PSME4: variants seen among roughly 807,000 people sequenced by gnomAD.
PSME4 encodes the protein proteasome activator subunit 4, also known as proteasome activator complex subunit 4.
In PSME4, 89 loss-of-function variants were observed where a neutral mutation model predicts 253.9. The observed-to-expected ratio is 0.35, with a 90% CI of 0.30 to 0.42. PSME4 has a LOEUF of 0.42. Among genes scored for constraint, PSME4 ranks in the 10% least tolerant of loss-of-function variants. PSME4 has a pLI of 1.00. For synonymous variants in PSME4, 851 were observed against 759.2 expected (o/e 1.12, Z -1.99); for missense variants, 2,014 against 2,195.2 (o/e 0.92, Z 1.65).
chr2:53,907,686 A>G (rs902940199), intron 24 of PSME4, among the ~76,000 whole-genome samples: 27 of 152,208 alleles, frequency 1.8e-4, no homozygotes, highest in Admixed American at 1.6e-3. Context: ...AAAACAAAGT[A>G]TAAGCAACCT....
chr2:53,885,675 T>C lies in PSME4; in HGVS notation c.4815+15A>G. On this transcript the variant is annotated intron_variant, in intron 41 of 46. Transcript: ENST00000404125. ...GTCAAAAGGAGATGCATTCTTAATT[T>C]CAGCAAAACCTTACCTTGAAAAACA... The C allele has an allele frequency of 6.3e-7, 1 of 1,586,492 alleles. No individual in the cohort carries two copies. The highest frequency in any genetic ancestry group is 1.1e-5 in the South Asian group (1 of 90,168).
intron 1 of PSME4, among the ~76,000 whole-genome samples, chr2:53,964,372 C>T (rs1288480036): frequency 6.6e-6 from 1 of 152,146 alleles, no homozygotes; most frequent in African/African-American, 2.4e-5. Context: ...TCTTATTGTG[C>T]TATTACATTA....
At chr2:53,955,083 A>C (rs1450576353) in intron 1 of PSME4, among the ~76,000 whole-genome samples, 2 of 152,028 alleles carry the variant, frequency 1.3e-5, no homozygotes, top group African/African-American at 4.8e-5. Flanking sequence ...AAACACGAGG[A>C]GCATCTGAGT....
intron 1 of PSME4, among the ~76,000 whole-genome samples, chr2:53,964,210 A>G (rs1159457845): frequency 6.6e-6 from 1 of 152,190 alleles, no homozygotes; most frequent in Non-Finnish European, 1.5e-5. Context: ...TTGAAAAAAA[A>G]GTATATGTGT....
At position 53,921,881 on chromosome 2, in the gene PSME4, C is replaced by T. The variant is rs544862441; in HGVS notation, c.2046+636G>A. Reference sequence around the variant, plus strand: ...AGACTCCGTCTCAAAAAAAAGAAAACTGAAGTTTGGGCCAGGCGCGGTGGC... The same window carrying T: ...AGACTCCGTCTCAAAAAAAAGAAAATTGAAGTTTGGGCCAGGCGCGGTGGC... On this transcript the variant is annotated intron_variant, in intron 17 of 46. Transcript: ENST00000404125. Among the ~76,000 whole-genome samples, 223 of 117,536 alleles carry T rather than the reference C, an allele frequency of 1.9e-3. 2 individuals are homozygous for T. The highest frequency in any genetic ancestry group is 6.2e-3 in the African/African-American group (205 of 32,846). The allele number at this position is 117,536 out of a possible 152,430, so 77.1% of individuals were successfully genotyped here.
Position 53,921,025 on chromosome 2 carries a change from G to A in PSME4, c.2126C>T (p.Thr709Ile). 6.2e-7 allele frequency: 1 copy of A among 1,614,106 alleles called. No homozygotes were observed. Among genetic ancestry groups the A allele is most frequent in the Non-Finnish European group, 8.5e-7 (1 of 1,179,996 alleles). ...VKILQRTLHL[T>I]CKQGYTLSCN... Reference sequence around the variant, plus strand: ...AGACAGAGTGTAACCCTGCTTACAGGTTAAATGTAGGGTTCTTTGGAGAAT... The same window carrying A: ...AGACAGAGTGTAACCCTGCTTACAGATTAAATGTAGGGTTCTTTGGAGAAT... The change falls in exon 18 of 47, where the codon ACC (threonine) becomes ATC (isoleucine). Residue 709 changes from threonine (T) to isoleucine (I), a missense_variant. Physicochemically the swap from Thr to Ile is moderately conservative, Grantham distance 89. This residue lies in a region of PSME4 where 989 missense variants were observed against 1,021.1 expected (regional missense o/e 0.97). Transcript: ENST00000404125.
rs769597917 is a variant in PSME4, at chr2:53,949,298, T to C, written c.243-15A>G. The C allele has an allele frequency of 1.5e-5, 22 of 1,514,030 alleles. 1 individual carries two copies. The African/African-American group carries it at 1.5e-4, about 10-fold the overall frequency. 93.8% of individuals were successfully genotyped at this position (1,514,030 alleles called of 1,614,324 possible). On this transcript the variant is annotated splice_polypyrimidine_tract_variant and intron_variant, in intron 1 of 46. Transcript: ENST00000404125. The stretch of plus-strand genomic sequence containing the variant: ...GTCGAATATATCTGCAAGAGAAAAA[T>C]AGATATACCCTTTAAAAATAGGTAT...
At chr2:53,960,381 A>G (rs1422767475) in intron 1 of PSME4, among the ~76,000 whole-genome samples, 1 of 149,630 alleles carries the variant, frequency 6.7e-6, no homozygotes, top group East Asian at 2.0e-4. Flanking sequence ...CCTGGGCAAC[A>G]GAGCGAGACT....
At chr2:53,914,810 G>T (rs1203647072) in intron 20 of PSME4, among the ~76,000 whole-genome samples, 1 of 152,162 alleles carries the variant, frequency 6.6e-6, no homozygotes, top group Non-Finnish European at 1.5e-5. Context: ...GAACCTGGGA[G>T]GCAGAGGTTG....
At chr2:53,887,560 C>G in intron 39 of PSME4, 93 bp from the exon 40 acceptor site, 4 of 1,168,300 alleles carry the variant, frequency 3.4e-6, no homozygotes, top group Non-Finnish European at 4.8e-6. Context: ...GTAAACTGTC[C>G]CAAGACAATT....
chr2:53,897,433 T>A (rs1248790590), intron 31 of PSME4, among the ~76,000 whole-genome samples: 2 of 152,092 alleles, frequency 1.3e-5, no homozygotes, highest in Non-Finnish European at 2.9e-5. Flanking sequence ...CCTCCCAAAG[T>A]GCTGGGATTA....
intron 44 of PSME4, among the ~76,000 whole-genome samples, chr2:53,868,845 A>G (rs1450336851): frequency 6.6e-6 from 1 of 151,694 alleles, no homozygotes; most frequent in Non-Finnish European, 1.5e-5. Context: ...TCACATTTAC[A>G]TTTCTTTTTA....
At position 53,920,882 on chromosome 2, in the gene PSME4, T is replaced by C. The variant is rs763719442; in HGVS notation, c.2262+7A>G. The C allele has an allele frequency of 1.9e-6, 3 of 1,577,560 alleles. No homozygotes were observed. In the South Asian group the frequency reaches 3.3e-5, roughly 18 times the overall value. On this transcript the variant is annotated splice_region_variant and intron_variant, in intron 18 of 46. Coordinates refer to ENST00000404125, the MANE Select transcript of PSME4 (RefSeq NM_014614.3). ...TTCTTGAATCCTAAAGTACTGAAAA[T>C]GCTTGCCTTGATAGGAAAGTATTCA...
chr2:53,907,415 T>C (rs1680710610), intron 24 of PSME4, among the ~76,000 whole-genome samples: 1 of 152,180 alleles, frequency 6.6e-6, no homozygotes, highest in Non-Finnish European at 1.5e-5. Flanking sequence ...CCCCCAATTC[T>C]ACCATTTTCA....
chr2:53,928,204 T>A lies in PSME4; in HGVS notation c.1416A>T (p.Arg472Ser). ...GVARSLVSGG[R>S]WFPEGPTHML... ...TATGTGTAGGACCTTCAGGAAACCATCTGCCTCCTGATACCAAACTGCGGG... is the reference window on the plus strand; with the variant it reads ...TATGTGTAGGACCTTCAGGAAACCAACTGCCTCCTGATACCAAACTGCGGG... Residue 472 changes from arginine (R) to serine (S), a missense_variant, in exon 11 of 47, where the codon AGA becomes AGT. Coordinates refer to ENST00000404125, the MANE Select transcript of PSME4 (RefSeq NM_014614.3). 6.2e-7 allele frequency: 1 copy of A among 1,614,110 alleles called. No individual in the cohort carries two copies. Among genetic ancestry groups the A allele is most frequent in the Non-Finnish European group, 8.5e-7 (1 of 1,179,970 alleles).
chr2:53,949,214 C>A lies in PSME4; in HGVS notation c.312G>T (p.Glu104Asp). 1 of 1,612,054 alleles carries A rather than the reference C, an allele frequency of 6.2e-7. No individual in the cohort carries two copies. Among genetic ancestry groups the A allele is most frequent in the Middle Eastern group, 1.7e-4 (1 of 6,060 alleles). The change falls in exon 2 of 47, where the codon GAG (glutamate) becomes GAT (aspartate). Residue 104 changes from glutamate to aspartate, a missense_variant. Transcript: ENST00000404125. The part of the protein sequence containing the change: ...DHVLFIKLLY[E>D]LVSIPKLEIS... The stretch of plus-strand genomic sequence containing the variant: ...TTTCCAGTTTTGGAATTGATACCAG[C>A]TCATACAATAACTTAATAAAAAGAA...
intron 40 of PSME4, 128 bp from the exon 41 acceptor site, chr2:53,885,903 T>C (rs1679613868): frequency 3.6e-6 from 2 of 548,222 alleles, no homozygotes; most frequent in Non-Finnish European, 6.4e-6. Context: ...AAAGATATCA[T>C]CTATGTTACT....
chr2:53,895,790 A>G, intron 32 of PSME4, 54 bp from the exon 33 acceptor site: 5 of 1,465,058 alleles, frequency 3.4e-6, no homozygotes, highest in Non-Finnish European at 4.6e-6. Context: ...CCCAACAATT[A>G]TTACCAAATT....
chr2:53,929,114 C>T (rs1668701381), intron 10 of PSME4, among the ~76,000 whole-genome samples: 1 of 151,404 alleles, frequency 6.6e-6, no homozygotes, highest in African/African-American at 2.4e-5. Context: ...TCCAGTGAGC[C>T]AAGATTATGC....
Sources: allele counts gnomAD v4.1 joint callset (sites outside exome capture counted in the v4.1 genomes callset), GRCh38; gene constraint gnomAD v4.1.1; regional missense constraint gnomAD v4.1.1; transcripts MANE v1.5; gene names NCBI Gene and HGNC (gene_info 2026-07-23, HGNC 2026-07-21).